AFF3: variants seen among roughly 807,000 people sequenced by gnomAD.
AFF3 encodes ALF transcription elongation factor 3, also known as AF4/FMR2 family member 3.
Under a neutral mutation model 129.7 loss-of-function variants are expected in AFF3, and 32 were observed. The ratio of observed to expected loss-of-function variants is 0.25; its 90% CI spans 0.19 to 0.33. The LOEUF is 0.33. Ranked by LOEUF, AFF3 falls within the 10% of genes least tolerant of loss-of-function variation. The pLI, the probability that AFF3 is intolerant of heterozygous loss-of-function variation, is 1.00. For synonymous variants in AFF3, 644 were observed against 635.4 expected (o/e 1.01, Z -0.20); for missense variants, 1,373 against 1,592.0 (o/e 0.86, Z 2.34).
chr2:99,633,779 C>T (rs1038183974), intron 13 of AFF3, among the ~76,000 whole-genome samples: 1 of 152,140 alleles, frequency 6.6e-6, no homozygotes, highest in Admixed American at 6.5e-5. Context: ...CTGCCCACTT[C>T]TCCTCTGACC....
chr2:99,975,953 T>C (rs2001722), intron 7 of AFF3, among the ~76,000 whole-genome samples: 14,315 of 150,644 alleles, frequency 0.095, 938 homozygotes, highest in Non-Finnish European at 0.13. Context: ...CATTTCCTAA[T>C]TAAGAAGGCC....
chr2:99,624,699 C>T (rs935676527), intron 13 of AFF3, among the ~76,000 whole-genome samples: 1 of 152,148 alleles, frequency 6.6e-6, no homozygotes, highest in Non-Finnish European at 1.5e-5. Context: ...TTAATGGCAG[C>T]AAGAAAAAGC....
At chr2:99,942,419 A>C (rs1675138018) in intron 7 of AFF3, among the ~76,000 whole-genome samples, 1 of 151,818 alleles carries the variant, frequency 6.6e-6, no homozygotes, top group Non-Finnish European at 1.5e-5. Flanking sequence ...GAACAAGACA[A>C]CTTCAGAAAA....
chr2:99,730,993 G>T (rs564239539), intron 10 of AFF3, among the ~76,000 whole-genome samples: 1 of 152,188 alleles, frequency 6.6e-6, no homozygotes, highest in African/African-American at 2.4e-5. Context: ...CCAGTCTGTT[G>T]CCCAGACTGG....
chr2:99,722,193 G>A (rs1374056328), intron 11 of AFF3, among the ~76,000 whole-genome samples: 1 of 152,022 alleles, frequency 6.6e-6, no homozygotes, highest in African/African-American at 2.4e-5. Context: ...TATAGTAGTT[G>A]CTTTATAATT....
chr2:100,110,076 T>A (rs1691463890), intron 2 of AFF3: 1 of 152,226 alleles, frequency 6.6e-6, no homozygotes. Context: ...GCTCCTTGTC[T>A]CTAGCCTCAA....
At chr2:99,640,791 A>G (rs1684123336) in intron 13 of AFF3, among the ~76,000 whole-genome samples, 1 of 152,210 alleles carries the variant, frequency 6.6e-6, no homozygotes. Flanking sequence ...ACCAGACATA[A>G]ATAAAGGAGG....
At chr2:99,760,046 C>T (rs562420008) in intron 8 of AFF3, among the ~76,000 whole-genome samples, 273 of 152,262 alleles carry the variant, frequency 1.8e-3, no homozygotes, top group African/African-American at 6.2e-3. Flanking sequence ...TACATACATA[C>T]ATATATAAAG....
chr2:99,642,563 C>T (rs1422784987), intron 13 of AFF3, among the ~76,000 whole-genome samples: 1 of 152,222 alleles, frequency 6.6e-6, no homozygotes, highest in Non-Finnish European at 1.5e-5. Flanking sequence ...CTAGCTCATC[C>T]ATTCATTTAT....
At chr2:99,885,283 C>A (rs1276787528) in intron 7 of AFF3, among the ~76,000 whole-genome samples, 4 of 152,150 alleles carry the variant, frequency 2.6e-5, no homozygotes, top group African/African-American at 9.7e-5. Flanking sequence ...CACACAAAGG[C>A]CTTTCCCTCA....
chr2:99,583,315 T>TA (rs1359167910), intron 16 of AFF3, among the ~76,000 whole-genome samples: 1 of 152,172 alleles, frequency 6.6e-6, no homozygotes, highest in Non-Finnish European at 1.5e-5. Flanking sequence ...ACAAACAACT[T>TA]ACTGTTTTCC....
chr2:100,037,898 C>T (rs1249121838), intron 4 of AFF3, among the ~76,000 whole-genome samples: 3 of 145,130 alleles, frequency 2.1e-5, no homozygotes, highest in Admixed American at 1.4e-4. Context: ...TATATATCAG[C>T]GAGAAGGTCA....
chr2:99,968,373 T>A (rs1677998845), intron 7 of AFF3, among the ~76,000 whole-genome samples: 1 of 152,182 alleles, frequency 6.6e-6, no homozygotes, highest in Non-Finnish European at 1.5e-5. Flanking sequence ...CCTAACCCAA[T>A]TGCAATTATC....
At chr2:99,816,143 A>C (rs1576074469) in intron 8 of AFF3, among the ~76,000 whole-genome samples, 1 of 151,456 alleles carries the variant, frequency 6.6e-6, no homozygotes, top group South Asian at 2.1e-4. Context: ...CTATTGATGA[A>C]CTCATTAAAT....
chr2:99,579,149 T>C (rs1393411628), intron 17 of AFF3, among the ~76,000 whole-genome samples: 1 of 152,240 alleles, frequency 6.6e-6, no homozygotes, highest in African/African-American at 2.4e-5. Flanking sequence ...CTCACACCTG[T>C]AATCCCAGCA....
At chr2:100,114,540 C>T (rs1354116530) in intron 2 of AFF3, among the ~76,000 whole-genome samples, 1 of 152,188 alleles carries the variant, frequency 6.6e-6, no homozygotes, top group East Asian at 1.9e-4. Context: ...TGCCACCACG[C>T]CTGGCTAATT....
intron 7 of AFF3, among the ~76,000 whole-genome samples, chr2:99,982,001 T>C (rs1276939979): frequency 1.3e-5 from 2 of 152,204 alleles, no homozygotes; most frequent in Non-Finnish European, 2.9e-5. Context: ...TTTTTTGCCA[T>C]TCATAGTGCC....
chr2:100,137,825 C>G (rs139168301), intron 1 of AFF3, among the ~76,000 whole-genome samples: 4 of 152,236 alleles, frequency 2.6e-5, no homozygotes, highest in Non-Finnish European at 5.9e-5. Context: ...CATCTATGCC[C>G]AGTGTAGAGT....
intron 8 of AFF3, among the ~76,000 whole-genome samples, chr2:99,821,064 C>T (rs1161532262): frequency 3.3e-5 from 5 of 151,742 alleles, no homozygotes; most frequent in African/African-American, 4.8e-5. Flanking sequence ...GTACAGACGG[C>T]GTTTCCTCAT....
Sources: allele counts gnomAD v4.1 joint callset (sites outside exome capture counted in the v4.1 genomes callset), GRCh38; gene constraint gnomAD v4.1.1; transcripts MANE v1.5; gene names NCBI Gene and HGNC (gene_info 2026-07-23, HGNC 2026-07-21).